Variants in BORCS8 observed in about 807,000 individuals in gnomAD.
The protein encoded by BORCS8 is BLOC-1 related complex subunit 8.
A neutral mutation model predicts 18.7 loss-of-function variants in BORCS8; 13 were observed. That is an observed-to-expected ratio of 0.70 (90% CI 0.45 to 1.11). BORCS8 has a LOEUF of 1.11. Ranked by LOEUF, BORCS8 falls within the 50% of genes least tolerant of loss-of-function variation. The pLI is 0.00. For synonymous variants in BORCS8, 68 were observed against 64.8 expected (o/e 1.05, Z -0.24); for missense variants, 165 against 165.7 (o/e 1.00, Z 0.02).
intron 1 of BORCS8, among the ~76,000 whole-genome samples, chr19:19,188,707 G>A (rs751003617): frequency 3.9e-5 from 6 of 152,022 alleles, no homozygotes; most frequent in Non-Finnish European, 7.4e-5. Context: ...ATCCCCCTGG[G>A]CTCCTGTGCA....
At chr19:19,191,006 T>TGTGTA (rs1246080493) in intron 1 of BORCS8, among the ~76,000 whole-genome samples, 1 of 152,144 alleles carries the variant, frequency 6.6e-6, no homozygotes, top group Non-Finnish European at 1.5e-5. Flanking sequence ...AATGAAGTGA[T>TGTGTA]GTGTAGGCCT....
At chr19:19,188,197 C>T (rs946740915) in intron 1 of BORCS8, among the ~76,000 whole-genome samples, 4 of 151,092 alleles carry the variant, frequency 2.6e-5, no homozygotes, top group Non-Finnish European at 4.4e-5. Flanking sequence ...GCCCGGCTAA[C>T]TTTTTGTATT....
At chr19:19,189,124 C>T (rs920041639) in intron 1 of BORCS8, among the ~76,000 whole-genome samples, 4 of 152,164 alleles carry the variant, frequency 2.6e-5, no homozygotes, top group East Asian at 1.9e-4. Flanking sequence ...AGTGAGCCAC[C>T]GCCCGGCCCT....
At chr19:19,180,484 T>C (rs1181594763) in intron 5 of BORCS8, 1 of 594,866 alleles carries the variant, frequency 1.7e-6, no homozygotes, top group African/African-American at 1.9e-5. Context: ...GTGGGAGAGA[T>C]GGGCTGACAT....
rs369618700 is a variant in BORCS8, at chr19:19,182,679, C to T, written c.220G>A (p.Val74Met). 16 of 1,549,984 alleles carry T rather than the reference C, an allele frequency of 1.0e-5. No individual in the cohort carries two copies. The highest frequency in any genetic ancestry group is 1.7e-4 in the Middle Eastern group (1 of 6,014). ...IYTVEYACSAVKNLVDSSVYF... is the reference protein window; with the variant it reads ...IYTVEYACSAMKNLVDSSVYF... ...ACGCTGCTGTCCACCAGGTTCTTCA[C>T]GGCGCTGAAACGGGAGGACAGGCCT... The change falls in exon 4 of 6, where the codon GTG becomes ATG. Residue 74 changes from valine to methionine, a missense_variant. Physicochemically the swap from Val to Met is conservative, Grantham distance 21. Transcript: ENST00000462790. This position sits in a 1 kb window ranked among gnomAD's most constrained non-coding sequence, Gnocchi z 4.1.
chr19:19,184,862 A>T (rs137883813), intron 3 of BORCS8, among the ~76,000 whole-genome samples: 1 of 152,260 alleles, frequency 6.6e-6, no homozygotes, highest in East Asian at 1.9e-4. Flanking sequence ...AGACTCCCAA[A>T]GCACTGGGAG....
intron 4 of BORCS8, among the ~76,000 whole-genome samples, chr19:19,181,270 C>A (rs982491131): frequency 6.7e-6 from 1 of 149,504 alleles, no homozygotes; most frequent in Non-Finnish European, 1.5e-5. Context: ...GAGGCTGAGG[C>A]GAGAGAATTG....
At chr19:19,181,124 G>A (rs1268255606) in intron 4 of BORCS8, among the ~76,000 whole-genome samples, 1 of 151,588 alleles carries the variant, frequency 6.6e-6, no homozygotes, top group Non-Finnish European at 1.5e-5. Context: ...GGAACCCAGA[G>A]AGGGAGGCTG....
In BORCS8 at chr19:19,182,048, G is replaced by GC. The variant is rs2060354055; in HGVS notation, c.326+524dup. ...GCTCTGGGTCCTGGGACAGGGAGAG[G>GC]CCCCTGCCATCTCCCTGGCCCCATC... is the stretch of plus-strand genomic sequence containing the variant. On this transcript the variant is annotated intron_variant, in intron 4 of 5. Transcript: ENST00000462790. The surrounding 1 kb of genome is among the most constrained non-coding windows in gnomAD (Gnocchi z 4.1). The GC allele has an allele frequency of 2.0e-6, 2 of 985,194 alleles. No individual in the cohort carries two copies. The highest frequency in any genetic ancestry group is 3.5e-5 in the African/African-American group (2 of 57,136). The allele number at this position is 985,194 out of a possible 1,614,324, so 61.0% of individuals were successfully genotyped here.
At chr19:19,181,482 A>C (rs2060348916) in intron 4 of BORCS8, among the ~76,000 whole-genome samples, 1 of 152,230 alleles carries the variant, frequency 6.6e-6, no homozygotes, top group South Asian at 2.1e-4. Context: ...TGCTACTAAT[A>C]TCTTTCAGGA....
intron 1 of BORCS8, among the ~76,000 whole-genome samples, 182 bp downstream of exon 1, chr19:19,191,899 G>A (rs2060486184): frequency 1.3e-5 from 2 of 152,176 alleles, no homozygotes; most frequent in South Asian, 4.1e-4. Flanking sequence ...ATCCTGGGGG[G>A]ACCGGTAATT....
At position 19,192,134 on chromosome 19, in the gene BORCS8, C is replaced by A. The variant is rs1467673384; in HGVS notation, c.-17G>T. The A allele has an allele frequency of 1.1e-5, 17 of 1,551,044 alleles. No individual in the cohort carries two copies. The highest frequency in any genetic ancestry group is 1.2e-5 in the Non-Finnish European group (14 of 1,146,890). ...CTCCTCCATAGCGACCGCGGCCGAGCGAACCGGGAAACGGCACCGGAAGCC... is the reference window on the plus strand; with the variant it reads ...CTCCTCCATAGCGACCGCGGCCGAGAGAACCGGGAAACGGCACCGGAAGCC... On this transcript the variant is annotated 5_prime_UTR_variant, in exon 1 of 6. Transcript: ENST00000462790.
intron 1 of BORCS8, among the ~76,000 whole-genome samples, chr19:19,189,565 C>T (rs1173089420): frequency 3.3e-5 from 5 of 152,172 alleles, no homozygotes; most frequent in African/African-American, 1.2e-4. Flanking sequence ...CCTTGGACCT[C>T]CCAGCACTGC....
At chr19:19,184,299 TC>T (rs2060384178) in intron 3 of BORCS8, among the ~76,000 whole-genome samples, 3 of 121,892 alleles carry the variant, frequency 2.5e-5, no homozygotes, top group Non-Finnish European at 5.5e-5. Flanking sequence ...TTTTTTTTTT[TC>T]CTTTCTTTTT....
rs1157932461 is a variant in BORCS8 at position 19,189,398 on chromosome 19, G to A, written c.38-2393C>T. Among the ~76,000 whole-genome samples the A allele has an allele frequency of 2.0e-5, 3 of 152,162 alleles. No individual in the cohort carries two copies. The East Asian group carries it at 5.8e-4, about 29-fold the overall frequency. The stretch of plus-strand genomic sequence containing the variant: ...ACAGTTCAACCTCCATGCAGCACGT[G>A]AGGCAAACTCCAAATGAACAAATCA... On this transcript the variant is annotated intron_variant, in intron 1 of 5. Transcript: ENST00000462790.
Position 19,182,074 on chromosome 19 carries a change from TCC to T in BORCS8, c.326+497_326+498del. ...CCCCTGCCATCTCCCTGGCCCCATC[TCC>T]CCCAGCTGGCCGGCTCCAGCCACAG... On this transcript the variant is annotated intron_variant, in intron 4 of 5. Coordinates refer to ENST00000462790, the MANE Select transcript of BORCS8 (RefSeq NM_001145784.2). The surrounding 1 kb of genome is among the most constrained non-coding windows in gnomAD (Gnocchi z 4.1). 1.0e-6 allele frequency: 1 copy of T among 982,930 alleles called. No homozygotes were observed. The highest frequency in any genetic ancestry group is 4.7e-5 in the South Asian group (1 of 21,216). 60.9% of individuals were successfully genotyped at this position (982,930 alleles called of 1,614,324 possible).
chr19:19,187,511 T>C (rs189729121), intron 1 of BORCS8, among the ~76,000 whole-genome samples: 15 of 148,254 alleles, frequency 1.0e-4, no homozygotes, highest in Non-Finnish European at 2.1e-4. Flanking sequence ...TGAGAGGACA[T>C]AATGAGTGAT....
At chr19:19,183,618 CTT>C (rs111482653) in intron 3 of BORCS8, among the ~76,000 whole-genome samples, 1,885 of 149,460 alleles carry the variant, frequency 0.013, 38 homozygotes, top group East Asian at 0.081. Flanking sequence ...GAATTTCGCT[CTT>C]GTTGCCCAGG....
rs184625102 is a variant in BORCS8, at chr19:19,184,288, G to T, written c.216-1605C>A. Among the ~76,000 whole-genome samples, 10 of 140,690 alleles carry T rather than the reference G, an allele frequency of 7.1e-5. No individual in the cohort carries two copies. In the East Asian group the frequency reaches 8.4e-4, roughly 12 times the overall value. The allele number at this position is 140,690 out of a possible 152,430, so 92.3% of individuals were successfully genotyped here. A position where few individuals can be genotyped will look rare whatever the true frequency, so the allele number is the denominator to read the frequency against. ...AGAAGAAAGCATAGGTTTTTTGTTGGTTTTTTTTTTTCCTTTCTTTTTTTT... is the reference window on the plus strand; with the variant it reads ...AGAAGAAAGCATAGGTTTTTTGTTGTTTTTTTTTTTTCCTTTCTTTTTTTT... On this transcript the variant is annotated intron_variant, in intron 3 of 5. Transcript: ENST00000462790.
Sources: gnomAD v4.1 joint callset for allele counts (sites outside exome capture counted in the v4.1 genomes callset) on GRCh38, gnomAD v4.1.1 for gene constraint, Gnocchi (gnomAD v3.1) non-coding constraint, MANE v1.5 for transcripts, NCBI Gene and HGNC (gene_info 2026-07-23, HGNC 2026-07-21) for gene names.